The following MUC4 variants were observed in gnomAD, a reference collection of about 807,000 sequenced individuals.
The protein encoded by MUC4 is mucin 4, cell surface associated.
Under a neutral mutation model 257.9 loss-of-function variants are expected in MUC4, and 202 were observed. The observed-to-expected ratio is 0.78, with a 90% CI of 0.70 to 0.88. MUC4 has a LOEUF of 0.88. Ranked by LOEUF, MUC4 falls within the 40% of genes least tolerant of loss-of-function variation. The pLI is 0.00. For missense variants in MUC4, 5,976 were observed against 6,513.7 expected, an observed-to-expected ratio of 0.92 and a Z score of 2.84; for synonymous variants, 2,351 against 2,757.1, an observed-to-expected ratio of 0.85 and a Z score of 4.62.
At chr3:195,760,787 T>C in intron 16 of MUC4, 97 bp downstream of exon 16, 1 of 980,224 alleles carries the variant, frequency 1.0e-6, no homozygotes. Flanking sequence ...ATCTGCTCAG[T>C]GAATGCAGAT....
Position 195,784,615 on chromosome 3 carries a change from G to T in MUC4, c.6965C>A (p.Pro2322His), listed in dbSNP as rs202186297. Residue 2322 changes from proline to histidine, a missense_variant, in exon 2 of 25, where the codon CCT (proline) becomes CAT (histidine). Physicochemically the swap from Pro to His is moderately conservative, Grantham distance 77 (BLOSUM62 -2). Coordinates refer to ENST00000463781, the MANE Select transcript of MUC4 (RefSeq NM_018406.7). ...SASTGHATPL[P>H]VTSLSSASTG... ...GGATGCTGAGGAAAGGCTGGTGACA[G>T]GAAGAGGGGTGGCGTGACCTGTGGA... is the stretch of plus-strand genomic sequence containing the variant. The T allele has an allele frequency of 4.7e-4, 624 of 1,320,902 alleles. 22 individuals carry two copies. Among genetic ancestry groups the T allele is most frequent in the Middle Eastern group, 2.7e-3 (9 of 3,302 alleles). 81.8% of individuals were successfully genotyped at this position (1,320,902 alleles called of 1,614,324 possible).
At chr3:195,760,066 TTCAG>T (rs1172057438) in intron 16 of MUC4, among the ~76,000 whole-genome samples, 1 of 152,178 alleles carries the variant, frequency 6.6e-6, no homozygotes, top group Non-Finnish European at 1.5e-5. Flanking sequence ...CACACATTCA[TTCAG>T]TCAGTCATTT....
chr3:195,795,838 A>G (rs1734500926), intron 1 of MUC4, among the ~76,000 whole-genome samples: 1 of 30,262 alleles, frequency 3.3e-5, no homozygotes, highest in Non-Finnish European at 6.0e-5. Context: ...AGAGAAAGAA[A>G]GTGGGGGAGG....
At position 195,781,674 on chromosome 3, in the gene MUC4, AGTCTCGGTGACAAGAAGAGGGGTG is replaced by A. The variant is rs1728150339; in HGVS notation, c.9882_9905del (p.Thr3295_Thr3302del). The A allele has an allele frequency of 8.4e-7, 1 of 1,185,326 alleles. No homozygotes were observed. The highest frequency in any genetic ancestry group is 2.0e-5 in the African/African-American group (1 of 50,624). The allele number at this position is 1,185,326 out of a possible 1,614,324, so 73.4% of individuals were successfully genotyped here. On this transcript the variant is annotated inframe_deletion, in exon 2 of 25. Transcript: ENST00000463781. ...TGGCGTGACCTGTGGATACTGAGGA[AGTCTCGGTGACAAGAAGAGGGGTG>A]GTGTCACCTGTGGATGATGAGGAAG...
rs1733855478 is a variant in MUC4, at chr3:195,791,457, A to G, written c.123T>C (p.Ala41=). Residue 41 remains alanine (A), a synonymous_variant, in exon 2 of 25, where the codon GCT becomes GCC. Transcript: ENST00000463781. ...TTGAGCCTGTTGAGGTGACTGGGGC[A>G]GCAGTTTTACTTCCAGTTATTAATG... ...EDTLITGSKT[A]APVTSTGSTT... 5 of 1,613,928 alleles carry G rather than the reference A, an allele frequency of 3.1e-6. No individual in the cohort carries two copies. The highest frequency in any genetic ancestry group is 1.3e-5 in the African/African-American group (1 of 75,032).
rs921640013 is a variant in MUC4 at position 195,763,458 on chromosome 3, C to T, written c.14228G>A (p.Arg4743His). The change falls in exon 12 of 25, where the codon CGC becomes CAC. Residue 4743 changes from arginine (R) to histidine (H), a missense_variant. By Grantham distance (29) the Arg-to-His change is conservative. This residue lies in a region of MUC4 where 996 missense variants were observed against 1,137.3 expected (regional missense o/e 0.88). Transcript: ENST00000463781. The part of the protein sequence containing the change: ...TNFIAFAAQY[R>H]SSSLGPVTVQ... ...CGTGACGGGGCCCAGGCTGCTGGAG[C>T]GGTACTGAGCCGCAAAGGCGATGAA... The T allele has an allele frequency of 4.1e-6, 6 of 1,448,254 alleles. No individual in the cohort carries two copies. Among genetic ancestry groups the T allele is most frequent in the African/African-American group, 1.4e-5 (1 of 69,616 alleles). 89.7% of individuals were successfully genotyped at this position (1,448,254 alleles called of 1,614,324 possible). A position where few individuals can be genotyped will look rare whatever the true frequency, so the allele number is the denominator to read the frequency against.
intron 7 of MUC4, 99 bp from the exon 8 acceptor site, chr3:195,766,850 T>G (rs1055219792): frequency 9.2e-7 from 1 of 1,092,236 alleles, no homozygotes; most frequent in African/African-American, 1.5e-5. Context: ...CAGCAGCTGG[T>G]CAACCAGCTA....
Position 195,786,574 on chromosome 3 carries a change from C to A in MUC4, c.5006G>T (p.Ser1669Ile), listed in dbSNP as rs201442668. Residue 1669 changes from serine to isoleucine, a missense_variant, in exon 2 of 25, where the codon AGC becomes ATC. Coordinates refer to ENST00000463781, the MANE Select transcript of MUC4 (RefSeq NM_018406.7). ...TGHATPLPVTSTSSASTGHAT... is the reference protein window; with the variant it reads ...TGHATPLPVTITSSASTGHAT... ...GTGACCGGTGGATGCTGAGGAAGTG[C>A]TGGTGACAGGAAGAGGGGTGGCGTG... is the stretch of plus-strand genomic sequence containing the variant. 2.6e-5 allele frequency: 34 copies of A among 1,317,958 alleles called. 2 individuals are homozygous for A. The highest frequency in any genetic ancestry group is 2.7e-5 in the Non-Finnish European group (28 of 1,019,320). 81.6% of individuals were successfully genotyped at this position (1,317,958 alleles called of 1,614,324 possible).
At position 195,777,914 on chromosome 3, in the gene MUC4, C is replaced by CCCATACCTTCCACGG. The variant is rs1560290100; in HGVS notation, c.12943+388_12943+389insCCGTGGAAGGTATGG. ...ACCTTCCACAGCCATACCTTCCACA[C>CCCATACCTTCCACGG]CCATACCTTCCACACCCATACCTTC... is the stretch of plus-strand genomic sequence containing the variant. On this transcript the variant is annotated intron_variant, in intron 3 of 24. Coordinates refer to ENST00000463781, the MANE Select transcript of MUC4 (RefSeq NM_018406.7). 4.1e-3 allele frequency among the ~76,000 whole-genome samples: 328 copies of CCCATACCTTCCACGG among 79,410 alleles called. 106 individuals are homozygous for CCCATACCTTCCACGG. The African/African-American group carries it at 0.049, about 12-fold the overall frequency. 52.1% of individuals were successfully genotyped at this position (79,410 alleles called of 152,430 possible). A position where few individuals can be genotyped will look rare whatever the true frequency, so the allele number is the denominator to read the frequency against.
chr3:195,768,000 G>A (rs570115791), intron 7 of MUC4, among the ~76,000 whole-genome samples: 15 of 151,088 alleles, frequency 9.9e-5, no homozygotes, highest in Non-Finnish European at 1.3e-4. Context: ...TGTGGGGTCC[G>A]AGCATGGCCC....
At position 195,747,260 on chromosome 3, in the gene MUC4, G is replaced by T; in HGVS notation, c.16155C>A (p.Val5385=). ...GALGGLLLLG[V]GTFVVLRFWG... ...AGAAGCGCAGGACCACGAACGTCCCGACCCCCAGCAGCAAGAGGCCGCCCA... is the reference window on the plus strand; with the variant it reads ...AGAAGCGCAGGACCACGAACGTCCCTACCCCCAGCAGCAAGAGGCCGCCCA... The change falls in exon 25 of 25, where the codon GTC becomes GTA. Residue 5385 remains valine, a synonymous_variant. Transcript: ENST00000463781. The T allele has an allele frequency of 2.5e-6, 4 of 1,614,242 alleles. No homozygotes were observed. The South Asian group carries it at 4.4e-5, about 18-fold the overall frequency.
rs1733849115 is a variant in MUC4 at position 195,791,394 on chromosome 3, A to G, written c.186T>C (p.Ser62=). Residue 62 remains serine, a synonymous_variant, in exon 2 of 25, where the codon TCT becomes TCC. Coordinates refer to ENST00000463781, the MANE Select transcript of MUC4 (RefSeq NM_018406.7). ...ATATGTCCTGATTAGAGGTCCTTGA[A>G]GAAGCTGCAGTTGATTGTCCCTCTA... ...ATLEGQSTAA[S]SRTSNQDISA... 6.2e-7 allele frequency: 1 copy of G among 1,613,868 alleles called. No individual in the cohort carries two copies. The highest frequency in any genetic ancestry group is 1.3e-5 in the African/African-American group (1 of 74,908).
intron 18 of MUC4, among the ~76,000 whole-genome samples, chr3:195,754,764 A>G (rs111431621): frequency 0.06 from 9,081 of 152,206 alleles, 901 homozygotes; most frequent in African/African-American, 0.21. Flanking sequence ...CCATGTATGT[A>G]TGTATCCATG....
At position 195,757,449 on chromosome 3, in the gene MUC4, C is replaced by T. The variant is rs1717895391; in HGVS notation, c.14987-121G>A. ...ACCCTCCCCCTCCCCAGACAAATCT[C>T]ATTGGTCATTTCCTTTGAGCAAGGC... On this transcript the variant is annotated intron_variant, in intron 17 of 24. Coordinates refer to ENST00000463781, the MANE Select transcript of MUC4 (RefSeq NM_018406.7). The surrounding 1 kb of genome is among the most constrained non-coding windows in gnomAD (Gnocchi z 4.8). The T allele has an allele frequency of 1.1e-6, 1 of 911,312 alleles. No homozygotes were observed. The highest frequency in any genetic ancestry group is 1.8e-5 in the South Asian group (1 of 56,298). 56.5% of individuals were successfully genotyped at this position (911,312 alleles called of 1,614,324 possible). A position where few individuals can be genotyped will look rare whatever the true frequency, so the allele number is the denominator to read the frequency against.
rs925990075 is a variant in MUC4 at position 195,762,074 on chromosome 3, G to A, written c.14512+13C>T. 6 of 1,575,808 alleles carry A rather than the reference G, an allele frequency of 3.8e-6. No individual in the cohort carries two copies. Among genetic ancestry groups the A allele is most frequent in the Middle Eastern group, 1.9e-4 (1 of 5,240 alleles). ...TCCGCGGAGCCTCAGAGGCAGGTCC[G>A]AGCCGCCCTCACCCAGGAGCCCCTC... On this transcript the variant is annotated intron_variant, in intron 14 of 24. Coordinates refer to ENST00000463781, the MANE Select transcript of MUC4 (RefSeq NM_018406.7).
At chr3:195,769,229 C>G (rs1722277760) in intron 6 of MUC4, 77 bp from the exon 7 acceptor site, 1 of 1,560,286 alleles carries the variant, frequency 6.4e-7, no homozygotes, top group African/African-American at 1.4e-5. Context: ...CCCCGCCCGT[C>G]CCACAGCCCT....
Position 195,781,130 on chromosome 3 carries a change from C to A in MUC4, c.10450G>T (p.Gly3484Cys). 2.0e-6 allele frequency: 3 copies of A among 1,464,856 alleles called. 1 individual carries two copies. The highest frequency in any genetic ancestry group is 2.7e-6 in the Non-Finnish European group (3 of 1,092,376). The allele number at this position is 1,464,856 out of a possible 1,614,324, so 90.7% of individuals were successfully genotyped here. A position where few individuals can be genotyped will look rare whatever the true frequency, so the allele number is the denominator to read the frequency against. The change falls in exon 2 of 25, where the codon GGT becomes TGT. Residue 3484 changes from glycine (G) to cysteine (C), a missense_variant. Around this residue, in one of 44 missense-constraint regions of MUC4, gnomAD observed 297 missense variants for 240.9 expected, o/e 1.23. Coordinates refer to ENST00000463781, the MANE Select transcript of MUC4 (RefSeq NM_018406.7). ...GTGACATGAAGAGGGGTGGTGTGAC[C>A]TGTAGATGCTGAGGAAGGGCTGGTG... is the stretch of plus-strand genomic sequence containing the variant. ...PVTSPSSAST[G>C]HTTPLHVTIP...
chr3:195,779,089 G>A lies in MUC4; in HGVS notation c.12491C>T (p.Thr4164Ile), dbSNP rs112020305. The A allele has an allele frequency of 7.8e-5, 52 of 666,052 alleles. 8 individuals carry two copies. Among genetic ancestry groups the A allele is most frequent in the Non-Finnish European group, 1.0e-4 (51 of 507,848 alleles). 41.3% of individuals were successfully genotyped at this position (666,052 alleles called of 1,614,324 possible). ...SSGHTTSLPV[T>I]DASSVSTGHG... ...ACCTGTGGACACTGAGGAAGCGTCG[G>A]TGACAGGAAGAGAGGTGGTGTGACC... Residue 4164 changes from threonine (T) to isoleucine (I), a missense_variant, in exon 2 of 25, where the codon ACC becomes ATC. By Grantham distance (89) the Thr-to-Ile change is moderately conservative. Transcript: ENST00000463781.
intron 1 of MUC4, among the ~76,000 whole-genome samples, chr3:195,796,313 C>T (rs1197347936): frequency 2.0e-5 from 3 of 152,078 alleles, no homozygotes; most frequent in Non-Finnish European, 4.4e-5. Context: ...AAACTCCTGA[C>T]CTCAGGTGAT....
Sources: allele counts gnomAD v4.1 joint callset (sites outside exome capture counted in the v4.1 genomes callset), GRCh38; gene constraint gnomAD v4.1.1; regional missense constraint gnomAD v4.1.1; non-coding constraint Gnocchi (gnomAD v3.1); transcripts MANE v1.5; gene names NCBI Gene and HGNC (gene_info 2026-07-23, HGNC 2026-07-21).